The following PCDHA5 variants were observed in gnomAD, a reference collection of about 807,000 sequenced individuals.
The protein encoded by PCDHA5 is protocadherin alpha 5.
In PCDHA5, 43 loss-of-function variants were observed where a neutral mutation model predicts 61.6. That is an observed-to-expected ratio of 0.70 (90% CI 0.55 to 0.90). The LOEUF is 0.90. Ranked by LOEUF, PCDHA5 falls within the 40% of genes least tolerant of loss-of-function variation. The pLI, the probability that PCDHA5 is intolerant of heterozygous loss-of-function variation, is 0.00. For missense variants in PCDHA5, 1,298 were observed against 1,222.7 expected, an observed-to-expected ratio of 1.06 and a Z score of -0.92; for synonymous variants, 627 against 543.9, an observed-to-expected ratio of 1.15 and a Z score of -2.13.
chr5:140,856,991 T>TA lies in PCDHA5; in HGVS notation c.2352+32865dup, dbSNP rs781903903. ...TATTGACTTTGAGGACAGTAACACT[T>TA]ATGAAATTCATGTAGATGTTACAGA... On this transcript the variant is annotated intron_variant, in intron 1 of 3. Transcript: ENST00000529859. 5.6e-6 allele frequency: 9 copies of TA among 1,595,654 alleles called. No homozygotes were observed. The East Asian group carries it at 1.8e-4, about 32-fold the overall frequency.
At chr5:140,841,520 G>T (rs1777298038) in intron 1 of PCDHA5, 2 of 1,613,470 alleles carry the variant, frequency 1.2e-6, no homozygotes, top group East Asian at 2.2e-5. Flanking sequence ...GTTCCGGGTG[G>T]CGTCCAAAAG....
intron 1 of PCDHA5, among the ~76,000 whole-genome samples, chr5:140,898,903 C>T (rs1323359632): frequency 6.6e-6 from 1 of 152,100 alleles, no homozygotes; most frequent in Non-Finnish European, 1.5e-5. Context: ...AGAGGTCCTT[C>T]ACGTCCCTTG....
chr5:140,828,999 T>A lies in PCDHA5; in HGVS notation c.2352+4872T>A, dbSNP rs2150161798. On this transcript the variant is annotated intron_variant, in intron 1 of 3. Coordinates refer to ENST00000529859, the MANE Select transcript of PCDHA5 (RefSeq NM_018908.3). ...ATAGATCGAAATACGGGAGAAATAG[T>A]GATTCGGGGTAATTTGGATTTTGAA... The A allele has an allele frequency of 1.4e-5, 23 of 1,613,800 alleles. No individual in the cohort carries two copies. In the South Asian group the frequency reaches 2.4e-4, roughly 17 times the overall value.
chr5:140,870,061 C>G, intron 1 of PCDHA5: 1 of 1,613,758 alleles, frequency 6.2e-7, no homozygotes, highest in Non-Finnish European at 8.5e-7. Flanking sequence ...AATTGAAGTA[C>G]AGGCTACAGA....
At chr5:140,836,449 C>T (rs1774490030) in intron 1 of PCDHA5, 2 of 1,613,826 alleles carry the variant, frequency 1.2e-6, no homozygotes, top group African/African-American at 1.3e-5. Flanking sequence ...ATTGCAGGCC[C>T]AGAGACCGAG....
chr5:140,946,142 CAAAT>C (rs1214309556), intron 1 of PCDHA5, among the ~76,000 whole-genome samples: 1 of 151,910 alleles, frequency 6.6e-6, no homozygotes, highest in Non-Finnish European at 1.5e-5. Context: ...AGTAAGAAAA[CAAAT>C]AACACGATTT....
chr5:140,871,284 T>C (rs2052909297), intron 1 of PCDHA5: 1 of 1,613,778 alleles, frequency 6.2e-7, no homozygotes, highest in African/African-American at 1.3e-5. Flanking sequence ...CAACGCCCAC[T>C]GAGGGCGCGT....
rs1210767626 is a variant in PCDHA5 at position 141,010,197 on chromosome 5, C to G, written c.*260C>G. 83 of 1,552,082 alleles carry G rather than the reference C, an allele frequency of 5.3e-5. No homozygotes were observed. Among genetic ancestry groups the G allele is most frequent in the Non-Finnish European group, 6.6e-5 (76 of 1,147,118 alleles). On this transcript the variant is annotated 3_prime_UTR_variant, in exon 4 of 4. Coordinates refer to ENST00000529859, the MANE Select transcript of PCDHA5 (RefSeq NM_018908.3). ...AAAAGCAGACCCAAGTTTCCTTTCT[C>G]CTCCGCCGCAAAGGAGAGGCTTCCC...
At chr5:140,858,280 G>A (rs782403060) in intron 1 of PCDHA5, 11 of 1,597,460 alleles carry the variant, frequency 6.9e-6, no homozygotes, top group Non-Finnish European at 5.1e-6. Flanking sequence ...GCGCGGTGGG[G>A]AGCTGGTCTT....
chr5:140,967,898 G>A (rs751530394), intron 1 of PCDHA5: 9 of 1,614,046 alleles, frequency 5.6e-6, no homozygotes, highest in Non-Finnish European at 7.6e-6. Context: ...GCCTGAGAAT[G>A]CTACACCCAA....
chr5:141,001,229 A>G (rs1055246744), intron 3 of PCDHA5, among the ~76,000 whole-genome samples: 41 of 152,314 alleles, frequency 2.7e-4, no homozygotes, highest in African/African-American at 9.1e-4. Flanking sequence ...AGTTACATTT[A>G]ATCTATAAAT....
chr5:140,949,053 C>T (rs2094339991), intron 1 of PCDHA5, among the ~76,000 whole-genome samples: 1 of 151,694 alleles, frequency 6.6e-6, no homozygotes, highest in Admixed American at 6.6e-5. Flanking sequence ...TTCTAATTTC[C>T]ATTATGATTT....
chr5:140,988,623 T>C (rs147544785), intron 3 of PCDHA5, among the ~76,000 whole-genome samples: 188 of 152,312 alleles, frequency 1.2e-3, no homozygotes, highest in African/African-American at 3.6e-3. Context: ...AGAATGGAGA[T>C]GTCCTGGTTT....
At chr5:140,997,702 T>C (rs548432387) in intron 3 of PCDHA5, among the ~76,000 whole-genome samples, 1 of 150,740 alleles carries the variant, frequency 6.6e-6, no homozygotes, top group Non-Finnish European at 1.5e-5. Context: ...GTGTGTATGT[T>C]AACAAACACC....
intron 1 of PCDHA5, among the ~76,000 whole-genome samples, chr5:140,844,589 T>C (rs1779449903): frequency 1.3e-5 from 2 of 149,642 alleles, no homozygotes; most frequent in East Asian, 3.9e-4. Flanking sequence ...TAAAGTGATA[T>C]TTAATATATG....
intron 1 of PCDHA5, among the ~76,000 whole-genome samples, chr5:140,952,125 A>G (rs1027710629): frequency 6.6e-6 from 1 of 152,092 alleles, no homozygotes; most frequent in African/African-American, 2.4e-5. Context: ...TGGGCTCCCA[A>G]GGCCTTGGGA....
In PCDHA5 at chr5:140,869,946, A is replaced by G. The variant is rs557838493; in HGVS notation, c.2352+45819A>G. 13 of 1,612,442 alleles carry G rather than the reference A, an allele frequency of 8.1e-6. No individual in the cohort carries two copies. In the African/African-American group the frequency reaches 9.3e-5, roughly 12 times the overall value. ...TCAATGGAGAGGTAACATACTCCTTAATGTCAATTAAGCCCAATGGAAGAC... is the reference window on the plus strand; with the variant it reads ...TCAATGGAGAGGTAACATACTCCTTGATGTCAATTAAGCCCAATGGAAGAC... On this transcript the variant is annotated intron_variant, in intron 1 of 3. Transcript: ENST00000529859.
At chr5:140,910,850 A>G (rs1285161954) in intron 1 of PCDHA5, among the ~76,000 whole-genome samples, 1 of 152,168 alleles carries the variant, frequency 6.6e-6, no homozygotes, top group Non-Finnish European at 1.5e-5. Flanking sequence ...CCTTGGATCT[A>G]TGTTCCATCC....
chr5:140,868,989 C>A (rs1280457697), intron 1 of PCDHA5: 91 of 1,506,736 alleles, frequency 6.0e-5, no homozygotes, highest in Non-Finnish European at 7.5e-5. Context: ...CGGATGCCAC[C>A]GTTTAAGGAT....
Sources: allele counts gnomAD v4.1 joint callset (sites outside exome capture counted in the v4.1 genomes callset), GRCh38; gene constraint gnomAD v4.1.1; transcripts MANE v1.5; gene names NCBI Gene and HGNC (gene_info 2026-07-23, HGNC 2026-07-21).